The following RAB3GAP1 variants were observed in gnomAD, a reference collection of about 807,000 sequenced individuals.
RAB3GAP1 encodes RAB3 GTPase activating protein catalytic subunit 1.
A neutral mutation model predicts 130.7 loss-of-function variants in RAB3GAP1; 86 were observed. That is an observed-to-expected ratio of 0.66 (90% CI 0.55 to 0.79). The LOEUF (loss-of-function observed/expected upper bound fraction) is 0.79. Ranked by LOEUF, RAB3GAP1 falls within the 30% of genes least tolerant of loss-of-function variation. The pLI is 0.00. For missense variants in RAB3GAP1, 1,029 were observed against 1,169.4 expected (o/e 0.88, Z 1.75); for synonymous variants, 367 against 401.7 (o/e 0.91, Z 1.03).
At chr2:135,167,780 A>G (rs1558808622) in intron 23 of RAB3GAP1, 4 of 1,311,154 alleles carry the variant, frequency 3.1e-6, no homozygotes, top group Admixed American at 4.2e-5. Flanking sequence ...TCATAAGGTC[A>G]TTAACACTAA....
intron 5 of RAB3GAP1, among the ~76,000 whole-genome samples, chr2:135,105,848 C>T (rs1337969222): frequency 4.6e-5 from 7 of 151,720 alleles, no homozygotes; most frequent in African/African-American, 1.5e-4. Context: ...CCCGCCGCCC[C>T]GTCTGGGATG....
At chr2:135,060,296 G>A (rs991452353) in intron 3 of RAB3GAP1, among the ~76,000 whole-genome samples, 1 of 121,890 alleles carries the variant, frequency 8.2e-6, no homozygotes, top group African/African-American at 3.3e-5. Flanking sequence ...GTCTCGCTCT[G>A]TTGCCCAGGC....
chr2:135,132,873 T>C, intron 13 of RAB3GAP1, 22 bp from the exon 14 acceptor site: 1 of 1,386,714 alleles, frequency 7.2e-7, no homozygotes, highest in Non-Finnish European at 1.0e-6. Context: ...AAAATGTGAT[T>C]ATTTTTTTCC....
chr2:135,068,048 A>G (rs1316909930), intron 3 of RAB3GAP1, among the ~76,000 whole-genome samples: 3 of 152,146 alleles, frequency 2.0e-5, no homozygotes, highest in Non-Finnish European at 4.4e-5. Flanking sequence ...CCTCTCTTAC[A>G]AGTATTTACT....
intron 3 of RAB3GAP1, among the ~76,000 whole-genome samples, chr2:135,060,508 C>T (rs1280185553): frequency 6.6e-6 from 1 of 151,870 alleles, no homozygotes; most frequent in African/African-American, 2.4e-5. Context: ...GATCTGCCCG[C>T]CTCGGCCTCC....
chr2:135,148,491 CTTTT>C (rs571757000), intron 17 of RAB3GAP1, among the ~76,000 whole-genome samples: 17 of 108,102 alleles, frequency 1.6e-4, no homozygotes, highest in East Asian at 9.0e-4. Flanking sequence ...GCTAGTAATT[CTTTT>C]TTTTTTTTTT....
At chr2:135,150,348 T>G (rs761618555) in intron 17 of RAB3GAP1, 21 bp from the exon 18 acceptor site, 32 of 1,614,064 alleles carry the variant, frequency 2.0e-5, no homozygotes, top group Non-Finnish European at 2.5e-5. Flanking sequence ...TTTATGAGCC[T>G]TGTCCTTTTG....
Position 135,134,134 on chromosome 2 carries a change from G to A in RAB3GAP1, c.1499+101G>A, listed in dbSNP as rs188180776. 10,251 of 1,322,346 alleles carry A rather than the reference G, an allele frequency of 7.8e-3. 76 individuals carry two copies. The highest frequency in any genetic ancestry group is 0.017 in the South Asian group (1,390 of 82,704). 81.9% of individuals were successfully genotyped at this position (1,322,346 alleles called of 1,614,324 possible). ...CCCCCTTCTAGGAAGTCTGCCCTAA[G>A]AAAGTGGCAAGAAGCTTAGACATGA... On this transcript the variant is annotated intron_variant, in intron 15 of 23. Coordinates refer to ENST00000264158, the MANE Select transcript of RAB3GAP1 (RefSeq NM_012233.3).
chr2:135,052,474 G>A lies in RAB3GAP1; in HGVS notation c.63G>A (p.Ser21=), dbSNP rs1348901931. Residue 21 remains serine, a synonymous_variant, in exon 2 of 24, where the codon TCG becomes TCA. Transcript: ENST00000264158. The part of the protein sequence containing the change: ...VFEITDFTTA[S]EWERFISKVE... ...AGATCACGGACTTCACCACTGCCTCGGAATGGGAAAGGTGAGTGAATCGCA... is the reference window on the plus strand; with the variant it reads ...AGATCACGGACTTCACCACTGCCTCAGAATGGGAAAGGTGAGTGAATCGCA... 6.2e-7 allele frequency: 1 copy of A among 1,613,798 alleles called. No homozygotes were observed. The highest frequency in any genetic ancestry group is 8.5e-7 in the Non-Finnish European group (1 of 1,180,040).
chr2:135,084,855 G>C (rs1315010730), intron 3 of RAB3GAP1, among the ~76,000 whole-genome samples: 1 of 152,106 alleles, frequency 6.6e-6, no homozygotes, highest in Non-Finnish European at 1.5e-5. Flanking sequence ...ATAAGGTATC[G>C]TTCTTGTATT....
chr2:135,076,720 A>G (rs1256251448), intron 3 of RAB3GAP1, among the ~76,000 whole-genome samples: 5 of 152,236 alleles, frequency 3.3e-5, no homozygotes, highest in African/African-American at 4.8e-5. Context: ...GGCATTAAAT[A>G]TATTCACATT....
intron 2 of RAB3GAP1, among the ~76,000 whole-genome samples, chr2:135,057,401 T>C (rs1689043784): frequency 6.6e-6 from 1 of 152,148 alleles, no homozygotes; most frequent in South Asian, 2.1e-4. Flanking sequence ...TTCATAATTT[T>C]ATTTATTTAT....
intron 3 of RAB3GAP1, among the ~76,000 whole-genome samples, chr2:135,068,780 A>G (rs950509416): frequency 6.6e-6 from 1 of 152,128 alleles, no homozygotes; most frequent in African/African-American, 2.4e-5. Context: ...AAAACAATCC[A>G]TGCTTATTTT....
In RAB3GAP1 at chr2:135,168,633, C is replaced by T. The variant is rs770933323; in HGVS notation, c.2798C>T (p.Pro933Leu). 11 of 1,614,086 alleles carry T rather than the reference C, an allele frequency of 6.8e-6. No homozygotes were observed. The Admixed American group carries it at 1.5e-4, about 22-fold the overall frequency. ...CAGAACTCCGTGTCAGACTTCCCACCCCCTGCTGGCCGGGAATTCATTTTG... is the reference window on the plus strand; with the variant it reads ...CAGAACTCCGTGTCAGACTTCCCACTCCCTGCTGGCCGGGAATTCATTTTG... ...RRQNSVSDFP[P>L]PAGREFILRT... The change falls in exon 24 of 24, where the codon CCC (proline) becomes CTC (leucine). Residue 933 changes from proline (P) to leucine (L), a missense_variant. This residue lies in a region of RAB3GAP1 where 146 missense variants were observed against 143.7 expected (regional missense o/e 1.02). Coordinates refer to ENST00000264158, the MANE Select transcript of RAB3GAP1 (RefSeq NM_012233.3).
chr2:135,160,704 A>T (rs71417557), intron 19 of RAB3GAP1, among the ~76,000 whole-genome samples: 1 of 148,802 alleles, frequency 6.7e-6, no homozygotes, highest in African/African-American at 2.5e-5. Context: ...AAAAAAAGAC[A>T]CATATGGGAT....
chr2:135,155,923 A>T (rs991797655), intron 19 of RAB3GAP1, among the ~76,000 whole-genome samples: 2 of 152,126 alleles, frequency 1.3e-5, no homozygotes, highest in African/African-American at 4.8e-5. Context: ...AACAAAATAG[A>T]GAAGCCATTA....
At chr2:135,129,492 A>T (rs1691465672) in intron 11 of RAB3GAP1, among the ~76,000 whole-genome samples, 1 of 151,698 alleles carries the variant, frequency 6.6e-6, no homozygotes, top group African/African-American at 2.4e-5. Context: ...AATAGTAATA[A>T]TGACGGAAAG....
intron 17 of RAB3GAP1, among the ~76,000 whole-genome samples, chr2:135,147,624 CTT>C (rs56769626): frequency 1.4e-5 from 2 of 142,636 alleles, no homozygotes; most frequent in Non-Finnish European, 1.5e-5. Context: ...CTCCCCCCCC[CTT>C]TTTTTTTTGA....
intron 3 of RAB3GAP1, among the ~76,000 whole-genome samples, chr2:135,081,306 CAAA>C (rs1169138978): frequency 4.9e-3 from 65 of 13,154 alleles, no homozygotes; most frequent in African/African-American, 0.011. Context: ...GACTCCGTCT[CAAA>C]AAAAAAAAAA....
Sources: gnomAD v4.1 joint callset for allele counts (sites outside exome capture counted in the v4.1 genomes callset) on GRCh38, gnomAD v4.1.1 for gene constraint, gnomAD v4.1.1 regional missense constraint, MANE v1.5 for transcripts, NCBI Gene and HGNC (gene_info 2026-07-23, HGNC 2026-07-21) for gene names.